The following RUNX1 variants were observed in gnomAD, a reference collection of about 807,000 sequenced individuals.
RUNX1 encodes RUNX family transcription factor 1, also known as runt-related transcription factor 1.
A neutral mutation model predicts 42.8 loss-of-function variants in RUNX1; 19 were observed. That is an observed-to-expected ratio of 0.44 (90% CI 0.31 to 0.65). RUNX1 has a LOEUF of 0.65. Among genes scored for constraint, RUNX1 ranks in the 30% least tolerant of loss-of-function variants. The pLI, the probability that RUNX1 is intolerant of heterozygous loss-of-function variation, is 0.07. For synonymous variants in RUNX1, 271 were observed against 289.4 expected, an observed-to-expected ratio of 0.94 and a Z score of 0.64; for missense variants, 528 against 672.0, an observed-to-expected ratio of 0.79 and a Z score of 2.37.
chr21:34,941,345 A>C (rs1483235261), intron 2 of RUNX1, among the ~76,000 whole-genome samples: 1 of 152,190 alleles, frequency 6.6e-6, no homozygotes, highest in African/African-American at 2.4e-5. Flanking sequence ...TTCCTGCAGC[A>C]ACTCCTGGAA....
At chr21:35,044,622 G>A (rs564694760) in intron 2 of RUNX1, among the ~76,000 whole-genome samples, 1 of 152,278 alleles carries the variant, frequency 6.6e-6, no homozygotes, top group Admixed American at 6.5e-5. Context: ...CACATTCCCT[G>A]CACAGACCTC....
intron 2 of RUNX1, among the ~76,000 whole-genome samples, chr21:34,960,732 C>T (rs973519498): frequency 3.3e-5 from 5 of 152,116 alleles, no homozygotes; most frequent in Non-Finnish European, 5.9e-5. Context: ...ATTTTTACCC[C>T]AAGAATCCCT....
At chr21:34,853,271 T>C (rs527429849) in intron 6 of RUNX1, among the ~76,000 whole-genome samples, 1 of 151,624 alleles carries the variant, frequency 6.6e-6, no homozygotes, top group Non-Finnish European at 1.5e-5. Flanking sequence ...GAGGGGAGGG[T>C]ACTTCCTGCA....
chr21:34,798,150 G>A, intron 8 of RUNX1: 1 of 456,600 alleles, frequency 2.2e-6, no homozygotes, highest in South Asian at 1.5e-5. Flanking sequence ...CACTGCCCCT[G>A]TGCCTGCCCC....
At chr21:34,808,197 TC>T (rs558176020) in intron 7 of RUNX1, among the ~76,000 whole-genome samples, 44 of 152,324 alleles carry the variant, frequency 2.9e-4, no homozygotes, top group Admixed American at 9.1e-4. Context: ...GCTGCAGACA[TC>T]TTGGTTAGTC....
At chr21:34,886,770 C>T (rs2057995034) in intron 4 of RUNX1, 73 bp downstream of exon 4, 2 of 1,606,404 alleles carry the variant, frequency 1.2e-6, no homozygotes, top group African/African-American at 1.3e-5. Flanking sequence ...CCCGCCTGGC[C>T]GCTGCCCTCG....
At chr21:34,981,697 C>G (rs1166047942) in intron 2 of RUNX1, among the ~76,000 whole-genome samples, 2 of 152,172 alleles carry the variant, frequency 1.3e-5, no homozygotes, top group African/African-American at 4.8e-5. Context: ...GAAGATTTTA[C>G]TTGATAGTTA....
chr21:34,956,620 G>A (rs1264965808), intron 2 of RUNX1, among the ~76,000 whole-genome samples: 1 of 152,066 alleles, frequency 6.6e-6, no homozygotes, highest in African/African-American at 2.4e-5. Context: ...TTGATGTCAC[G>A]CCCTAGATAC....
chr21:35,042,587 G>A (rs2059366999), intron 2 of RUNX1, among the ~76,000 whole-genome samples: 1 of 152,190 alleles, frequency 6.6e-6, no homozygotes. Context: ...TGCAGAGAAG[G>A]GCTTCCCTTC....
In RUNX1 at chr21:34,849,439, A is replaced by G. The variant is rs1351594461; in HGVS notation, c.613+10035T>C. On this transcript the variant is annotated intron_variant, in intron 6 of 8. Transcript: ENST00000675419. ...ATATTATATAGTATATATATTATAT[A>G]TATACTATATATTATAATATATAGT... Among the ~76,000 whole-genome samples the G allele has an allele frequency of 4.4e-5, 3 of 67,466 alleles. 1 individual carries two copies. The highest frequency in any genetic ancestry group is 5.8e-4 in the Admixed American group (2 of 3,428). 44.3% of individuals were successfully genotyped at this position (67,466 alleles called of 152,430 possible).
rs2058892674 is a variant in RUNX1 at position 34,987,021 on chromosome 21, C to A, written c.58+61821G>T. ...ATTGACAGGCCAGGGAAGCCTCACC[C>A]CACAAGGCTGCATGCCCAGGTAAGT... On this transcript the variant is annotated intron_variant, in intron 2 of 8. Transcript: ENST00000675419. 2.0e-5 allele frequency among the ~76,000 whole-genome samples: 3 copies of A among 152,248 alleles called. 1 individual carries two copies. Among genetic ancestry groups the A allele is most frequent in the Admixed American group, 2.0e-4 (3 of 15,292 alleles).
At chr21:34,930,266 G>GTATATATATA (rs1569110271) in intron 2 of RUNX1, among the ~76,000 whole-genome samples, 8 of 76,446 alleles carry the variant, frequency 1.0e-4, no homozygotes, top group African/African-American at 6.1e-4. Flanking sequence ...ACGTGTGTGT[G>GTATATATATA]TATGTATATA....
chr21:34,853,779 A>C (rs2057457644), intron 6 of RUNX1, among the ~76,000 whole-genome samples: 1 of 151,058 alleles, frequency 6.6e-6, no homozygotes, highest in Admixed American at 6.6e-5. Flanking sequence ...ACCAGTTTAC[A>C]GGTTGGTTCC....
At chr21:34,889,585 G>T in intron 3 of RUNX1, 2 of 866,086 alleles carry the variant, frequency 2.3e-6, no homozygotes, top group Non-Finnish European at 2.9e-6. Context: ...CAGCCTGCCC[G>T]GGCCCCGCGT....
chr21:35,038,167 C>T (rs2059323766), intron 2 of RUNX1, among the ~76,000 whole-genome samples: 1 of 152,084 alleles, frequency 6.6e-6, no homozygotes, highest in Non-Finnish European at 1.5e-5. Flanking sequence ...CTTGGGGCTC[C>T]GTGAGGTTCG....
intron 2 of RUNX1, among the ~76,000 whole-genome samples, chr21:34,945,402 G>C (rs2058556971): frequency 6.6e-6 from 1 of 152,150 alleles, no homozygotes; most frequent in Non-Finnish European, 1.5e-5. Flanking sequence ...TAGTTTCTTT[G>C]AGAGTACATT....
intron 4 of RUNX1, among the ~76,000 whole-genome samples, chr21:34,881,194 T>G (rs777506472): frequency 6.6e-6 from 1 of 152,212 alleles, no homozygotes. Context: ...GTTTGTAAGT[T>G]TATAATCCAA....
At position 34,979,941 on chromosome 21, in the gene RUNX1, C is replaced by T. The variant is rs551726182; in HGVS notation, c.58+68901G>A. Among the ~76,000 whole-genome samples, 13 of 152,256 alleles carry T rather than the reference C, an allele frequency of 8.5e-5. No individual in the cohort carries two copies. The South Asian group carries it at 2.1e-3, about 24-fold the overall frequency. Reference sequence around the variant, plus strand: ...GTCTCAGTGGGCTCCAGAGCCAGGTCGCCTGCCCCAGAACACAGCTCTGCC... The same window carrying T: ...GTCTCAGTGGGCTCCAGAGCCAGGTTGCCTGCCCCAGAACACAGCTCTGCC... On this transcript the variant is annotated intron_variant, in intron 2 of 8. Coordinates refer to ENST00000675419, the MANE Select transcript of RUNX1 (RefSeq NM_001754.5).
intron 2 of RUNX1, among the ~76,000 whole-genome samples, chr21:34,928,427 C>T (rs1239649537): frequency 6.6e-6 from 1 of 152,120 alleles, no homozygotes; most frequent in Non-Finnish European, 1.5e-5. Flanking sequence ...GGTGCGGTGG[C>T]TCACACCTGT....
Sources: gnomAD v4.1 joint callset for allele counts (sites outside exome capture counted in the v4.1 genomes callset) on GRCh38, gnomAD v4.1.1 for gene constraint, MANE v1.5 for transcripts, NCBI Gene and HGNC (gene_info 2026-07-23, HGNC 2026-07-21) for gene names.